The following SLC5A4 variants were observed in gnomAD, a reference collection of about 807,000 sequenced individuals.
SLC5A4 encodes the protein probable glucose sensor protein SLC5A4.
Under a neutral mutation model 70.3 loss-of-function variants are expected in SLC5A4, and 55 were observed. The observed-to-expected ratio is 0.78, with a 90% CI of 0.63 to 0.98. The LOEUF (loss-of-function observed/expected upper bound fraction) is 0.98, where lower values mean the gene tolerates loss of function less well. SLC5A4 is among the 50% of genes least tolerant of loss of function. The probability of loss-of-function intolerance (pLI) is 0.00; values close to 1 mark genes in which losing one functional copy is unlikely to be tolerated. For synonymous variants in SLC5A4, 268 were observed against 305.7 expected, an observed-to-expected ratio of 0.88 and a Z score of 1.29; for missense variants, 735 against 839.2, an observed-to-expected ratio of 0.88 and a Z score of 1.53.
chr22:32,235,102 G>C lies in SLC5A4; in HGVS notation c.665-9C>G, dbSNP rs756555909. On this transcript the variant is annotated splice_polypyrimidine_tract_variant and intron_variant, in intron 7 of 14. Transcript: ENST00000266086. ...TCCAACTTCGTTAAATGCTAAAAAG[G>C]CATCAGAGTAAAATGAGATGTCTTA... 1 of 1,591,010 alleles carries C rather than the reference G, an allele frequency of 6.3e-7. No homozygotes were observed. Among genetic ancestry groups the C allele is most frequent in the African/African-American group, 1.3e-5 (1 of 74,340 alleles).
chr22:32,299,012 G>A, the SLC5A4 span, among the ~76,000 whole-genome samples: 2 of 140,154 alleles, frequency 1.4e-5, no homozygotes, highest in African/African-American at 2.7e-5. Flanking sequence ...TAGGGTTTCT[G>A]CCGAGAGATC....
chr22:32,332,256 G>C, the SLC5A4 span, among the ~76,000 whole-genome samples: 109 of 152,324 alleles, frequency 7.2e-4, no homozygotes, highest in African/African-American at 2.3e-3. Context: ...CCATGGCCCT[G>C]CACAGTCAGA....
chr22:32,229,417 G>C (rs1261782802), intron 10 of SLC5A4, 73 bp from the exon 11 acceptor site: 1 of 1,505,014 alleles, frequency 6.6e-7, no homozygotes, highest in Non-Finnish European at 9.1e-7. Context: ...AGGGTTGAAA[G>C]GTTAAAAGTA....
intron 6 of SLC5A4, among the ~76,000 whole-genome samples, chr22:32,237,943 G>A (rs1285218780): frequency 6.6e-6 from 1 of 151,960 alleles, no homozygotes; most frequent in Admixed American, 6.6e-5. Context: ...TGCCCTTATT[G>A]CTCCCTTATT....
At chr22:32,220,240 A>G (rs1924999466) in intron 14 of SLC5A4, among the ~76,000 whole-genome samples, 1 of 152,224 alleles carries the variant, frequency 6.6e-6, no homozygotes, top group Non-Finnish European at 1.5e-5. Flanking sequence ...TAGGCCAGTC[A>G]TACTCAGGAA....
At chr22:32,251,311 A>G (rs1286748477) in intron 3 of SLC5A4, among the ~76,000 whole-genome samples, 2 of 152,078 alleles carry the variant, frequency 1.3e-5, no homozygotes, top group Admixed American at 6.6e-5. Context: ...ATGCAACAGT[A>G]TTGAGAGGTT....
At chr22:32,344,936 T>C in the SLC5A4 span, among the ~76,000 whole-genome samples, 1 of 152,174 alleles carries the variant, frequency 6.6e-6, no homozygotes, top group Admixed American at 6.5e-5. Flanking sequence ...TTTCACAAAG[T>C]ATATGAAAAT....
chr22:32,276,346 A>G, the SLC5A4 span, among the ~76,000 whole-genome samples: 2 of 152,188 alleles, frequency 1.3e-5, no homozygotes, highest in African/African-American at 4.8e-5. Context: ...AACTTACTAA[A>G]TTAGTATCTG....
At chr22:32,232,296 G>T (rs897942419) in intron 9 of SLC5A4, among the ~76,000 whole-genome samples, 3 of 152,182 alleles carry the variant, frequency 2.0e-5, no homozygotes, top group Non-Finnish European at 2.9e-5. Flanking sequence ...ATTCAGTGTT[G>T]TCTGAGGGAT....
the SLC5A4 span, among the ~76,000 whole-genome samples, chr22:32,316,901 G>A: frequency 1.3e-5 from 2 of 149,564 alleles, no homozygotes; most frequent in Admixed American, 1.3e-4. Context: ...CAAAAGTAAG[G>A]AGATAGGGAG....
the SLC5A4 span, among the ~76,000 whole-genome samples, chr22:32,289,657 T>C: frequency 6.6e-6 from 1 of 152,210 alleles, no homozygotes; most frequent in South Asian, 2.1e-4. Flanking sequence ...CCTTCTGCCA[T>C]GATTGTAAGT....
chr22:32,344,656 A>G, the SLC5A4 span, among the ~76,000 whole-genome samples: 1 of 152,182 alleles, frequency 6.6e-6, no homozygotes, highest in South Asian at 2.1e-4. Flanking sequence ...TAATTTCATC[A>G]TACACATTAA....
the SLC5A4 span, among the ~76,000 whole-genome samples, chr22:32,329,942 G>GA: frequency 1.7e-5 from 1 of 58,258 alleles, no homozygotes. Context: ...TGTGTGTTGG[G>GA]GGCTCTGGTG....
At chr22:32,316,932 C>CTGTGTGTGTGTGTGTGTG in the SLC5A4 span, among the ~76,000 whole-genome samples, 1 of 67,404 alleles carries the variant, frequency 1.5e-5, no homozygotes, top group African/African-American at 7.2e-5. Context: ...TAATTAACAA[C>CTGTGTGTGTGTGTGTGTG]TCTGTGTGTG....
chr22:32,333,310 G>C, the SLC5A4 span, among the ~76,000 whole-genome samples: 34 of 151,832 alleles, frequency 2.2e-4, no homozygotes, highest in African/African-American at 7.7e-4. Context: ...GTCTTTTAGA[G>C]GATGGGGAGA....
the SLC5A4 span, among the ~76,000 whole-genome samples, chr22:32,288,058 C>A: frequency 6.7e-6 from 1 of 149,748 alleles, no homozygotes; most frequent in African/African-American, 2.5e-5. Flanking sequence ...CCATATTGGT[C>A]AGGCTGGTCT....
At chr22:32,271,773 G>T in the SLC5A4 span, 1 of 593,006 alleles carries the variant, frequency 1.7e-6, no homozygotes, top group Non-Finnish European at 3.2e-6. Context: ...TACTTCAACA[G>T]ACAGGGCAAA....
At chr22:32,316,294 C>T in the SLC5A4 span, among the ~76,000 whole-genome samples, 1 of 151,950 alleles carries the variant, frequency 6.6e-6, no homozygotes. Flanking sequence ...GCATAACAAA[C>T]AAATGCAAAT....
At chr22:32,292,261 A>G in the SLC5A4 span, among the ~76,000 whole-genome samples, 12 of 125,656 alleles carry the variant, frequency 9.5e-5, no homozygotes, top group Non-Finnish European at 1.6e-4. Flanking sequence ...TAGATATTAT[A>G]TATAATACAT....
Sources: allele counts gnomAD v4.1 joint callset (sites outside exome capture counted in the v4.1 genomes callset), GRCh38; gene constraint gnomAD v4.1.1; transcripts MANE v1.5; gene names NCBI Gene and HGNC (gene_info 2026-07-23, HGNC 2026-07-21).